PRDM16: variants seen among roughly 807,000 people sequenced by gnomAD.
PRDM16 encodes PR/SET domain 16.
A neutral mutation model predicts 110.6 loss-of-function variants in PRDM16; 23 were observed. The observed-to-expected ratio is 0.21, with a 90% CI of 0.15 to 0.29. PRDM16 has a LOEUF of 0.29. Ranked by LOEUF, PRDM16 falls within the 10% of genes least tolerant of loss-of-function variation. The pLI, the probability that PRDM16 is intolerant of heterozygous loss-of-function variation, is 1.00. For synonymous variants in PRDM16, 799 were observed against 781.8 expected (o/e 1.02, Z -0.37); for missense variants, 1,615 against 1,794.3 (o/e 0.90, Z 1.81).
At chr1:3,222,367 C>A (rs201175441) in intron 2 of PRDM16, among the ~76,000 whole-genome samples, 2 of 152,214 alleles carry the variant, frequency 1.3e-5, no homozygotes, top group East Asian at 3.9e-4. Flanking sequence ...CTCCAGCAGG[C>A]CTGGGTGCTG....
intron 8 of PRDM16, among the ~76,000 whole-genome samples, chr1:3,406,798 C>A (rs1013328848): frequency 1.3e-5 from 2 of 152,114 alleles, no homozygotes; most frequent in Non-Finnish European, 2.9e-5. Flanking sequence ...GTCCAAGGGG[C>A]CTTGTGGGCC....
intron 3 of PRDM16, among the ~76,000 whole-genome samples, chr1:3,378,690 A>C (rs1368525387): frequency 6.6e-6 from 1 of 152,072 alleles, no homozygotes; most frequent in African/African-American, 2.4e-5. Flanking sequence ...AAGGCGAGAG[A>C]GGACAGGAAA....
In PRDM16 at chr1:3,403,070, C is replaced by G. The variant is rs1643501193; in HGVS notation, c.884+72C>G. On this transcript the variant is annotated intron_variant, in intron 6 of 16. Transcript: ENST00000270722. ...CTGAGTCTTCCTCCCCTTCCCGTGCCCTCCTCTGAGTCTTCCTCCCCTCCC... is the reference window on the plus strand; with the variant it reads ...CTGAGTCTTCCTCCCCTTCCCGTGCGCTCCTCTGAGTCTTCCTCCCCTCCC... 33 of 1,300,140 alleles carry G rather than the reference C, an allele frequency of 2.5e-5. No individual in the cohort carries two copies. In the South Asian group the frequency reaches 4.3e-4, roughly 17 times the overall value. The allele number at this position is 1,300,140 out of a possible 1,614,324, so 80.5% of individuals were successfully genotyped here.
At chr1:3,303,818 G>A (rs2500281) in intron 3 of PRDM16, among the ~76,000 whole-genome samples, 37,390 of 61,868 alleles carry the variant, frequency 0.6, 12,306 homozygotes, top group African/African-American at 0.81. Context: ...GCAGGAGGCC[G>A]TGGGCTCTTT....
intron 3 of PRDM16, among the ~76,000 whole-genome samples, chr1:3,356,035 G>A (rs1642590073): frequency 6.6e-6 from 1 of 152,310 alleles, no homozygotes; most frequent in Admixed American, 6.5e-5. Context: ...CTCCGTGACA[G>A]GTGATGGACT....
chr1:3,332,192 A>T (rs571362367), intron 3 of PRDM16, among the ~76,000 whole-genome samples: 5 of 152,270 alleles, frequency 3.3e-5, no homozygotes, highest in African/African-American at 1.2e-4. Flanking sequence ...GGCTGGCCTG[A>T]TATGGGAGGT....
rs79557040 is a variant in PRDM16 at position 3,259,682 on chromosome 1, C to T, written c.438+15545C>T. On this transcript the variant is annotated intron_variant, in intron 3 of 16. Coordinates refer to ENST00000270722, the MANE Select transcript of PRDM16 (RefSeq NM_022114.4). ...GTGTTTTGCAGCGTAGCCTGCAGCC[C>T]CGCATGCTCTGGGCTGTCCAGGTTT... is the stretch of plus-strand genomic sequence containing the variant. Among the ~76,000 whole-genome samples the T allele has an allele frequency of 9.4e-4, 143 of 152,324 alleles. 1 individual carries two copies. The East Asian group carries it at 0.013, about 14-fold the overall frequency.
intron 2 of PRDM16, among the ~76,000 whole-genome samples, chr1:3,194,299 A>G (rs116202027): frequency 6.6e-6 from 1 of 152,194 alleles, no homozygotes; most frequent in African/African-American, 2.4e-5. Flanking sequence ...CTCCCTGTGC[A>G]GGGCGCTTCC....
chr1:3,204,670 G>A (rs960840986), intron 2 of PRDM16, among the ~76,000 whole-genome samples: 7 of 152,248 alleles, frequency 4.6e-5, no homozygotes, highest in African/African-American at 9.6e-5. Context: ...AAGCCAGGCC[G>A]ACAGCCTGAC....
intron 3 of PRDM16, among the ~76,000 whole-genome samples, chr1:3,269,486 AGAG>A (rs1640377949): frequency 7.1e-6 from 1 of 140,436 alleles, no homozygotes; most frequent in Non-Finnish European, 1.5e-5. Flanking sequence ...GGAAAGTCCC[AGAG>A]GAGGACAGTC....
chr1:3,225,573 T>TGTGCGCGC (rs1336272072), intron 2 of PRDM16, among the ~76,000 whole-genome samples: 41 of 129,908 alleles, frequency 3.2e-4, no homozygotes, highest in African/African-American at 1.0e-3. Context: ...TGTGTGTGTG[T>TGTGCGCGC]GCGCGCGCGC....
chr1:3,432,173 A>C, intron 16 of PRDM16, 33 bp downstream of exon 16: 1 of 1,586,902 alleles, frequency 6.3e-7, no homozygotes, highest in Non-Finnish European at 8.6e-7. Flanking sequence ...CCCCCACCCC[A>C]CCTGGCCTCC....
At chr1:3,295,835 C>G (rs754544587) in intron 3 of PRDM16, among the ~76,000 whole-genome samples, 1 of 152,122 alleles carries the variant, frequency 6.6e-6, no homozygotes, top group Non-Finnish European at 1.5e-5. Context: ...TGGGGAAGTT[C>G]CTGCCTCTCC....
chr1:3,381,448 G>A (rs939131801), intron 3 of PRDM16, among the ~76,000 whole-genome samples: 21 of 149,782 alleles, frequency 1.4e-4, no homozygotes, highest in African/African-American at 4.7e-4. Flanking sequence ...TGTCTCCCAG[G>A]CTGGAGTGCA....
intron 1 of PRDM16, among the ~76,000 whole-genome samples, chr1:3,075,399 C>T (rs1250657315): frequency 1.3e-5 from 2 of 152,260 alleles, no homozygotes; most frequent in African/African-American, 4.8e-5. Context: ...TGTTCAGTTC[C>T]TCGTCCCCTG....
chr1:3,305,295 G>A lies in PRDM16; in HGVS notation c.438+61158G>A, dbSNP rs188300199. Among the ~76,000 whole-genome samples the A allele has an allele frequency of 4.6e-5, 7 of 152,328 alleles. No homozygotes were observed. The South Asian group carries it at 8.3e-4, about 18-fold the overall frequency. On this transcript the variant is annotated intron_variant, in intron 3 of 16. Transcript: ENST00000270722. ...CTCCGCAGGCCCCCGGGAACCACACGTGCAGAGTCCGGCACATGCAGGGAC... is the reference window on the plus strand; with the variant it reads ...CTCCGCAGGCCCCCGGGAACCACACATGCAGAGTCCGGCACATGCAGGGAC...
At position 3,405,588 on chromosome 1, in the gene PRDM16, G is replaced by A. The variant is rs745769134; in HGVS notation, c.1126G>A (p.Ala376Thr). 6 of 1,611,414 alleles carry A rather than the reference G, an allele frequency of 3.7e-6. No homozygotes were observed. The highest frequency in any genetic ancestry group is 2.2e-5 in the East Asian group (1 of 44,732). Reference sequence around the variant, plus strand: ...CTGCCCCGACTGCGGGAAGACCTTCGCCACGTCCTCCGGCCTCAAGCAGCA... The same window carrying A: ...CTGCCCCGACTGCGGGAAGACCTTCACCACGTCCTCCGGCCTCAAGCAGCA... ...HACPDCGKTF[A>T]TSSGLKQHKH... Residue 376 changes from alanine (A) to threonine (T), a missense_variant, in exon 8 of 17, where the codon GCC becomes ACC. Ala to Thr is a moderately conservative substitution (Grantham distance 58). This residue lies in a region of PRDM16 where 82 missense variants were observed against 144.4 expected (regional missense o/e 0.57). Coordinates refer to ENST00000270722, the MANE Select transcript of PRDM16 (RefSeq NM_022114.4).
At chr1:3,240,082 AGAG>A (rs1639633231) in intron 2 of PRDM16, among the ~76,000 whole-genome samples, 1 of 142,612 alleles carries the variant, frequency 7.0e-6, no homozygotes, top group Non-Finnish European at 1.5e-5. Context: ...AGAGGAGAGG[AGAG>A]GAGAGGAGAG....
intron 1 of PRDM16, among the ~76,000 whole-genome samples, chr1:3,076,413 C>G (rs1641901369): frequency 6.6e-6 from 1 of 152,152 alleles, no homozygotes; most frequent in Non-Finnish European, 1.5e-5. Context: ...GAGATGTGTT[C>G]TGAGGAAGCT....
Sources: gnomAD v4.1 joint callset for allele counts (sites outside exome capture counted in the v4.1 genomes callset) on GRCh38, gnomAD v4.1.1 for gene constraint, gnomAD v4.1.1 regional missense constraint, MANE v1.5 for transcripts, NCBI Gene and HGNC (gene_info 2026-07-23, HGNC 2026-07-21) for gene names.